The following THSD4 variants were observed in gnomAD, a reference collection of about 807,000 sequenced individuals.
The protein encoded by THSD4 is thrombospondin type-1 domain-containing protein 4.
In THSD4, 69 loss-of-function variants were observed where a neutral mutation model predicts 119.0. The observed-to-expected ratio is 0.58, with a 90% CI of 0.48 to 0.71. The LOEUF is 0.71. Ranked by LOEUF, THSD4 falls within the 30% of genes least tolerant of loss-of-function variation. The pLI, the probability that THSD4 is intolerant of heterozygous loss-of-function variation, is 0.00. For synonymous variants in THSD4, 524 were observed against 540.4 expected (o/e 0.97, Z 0.42); for missense variants, 1,393 against 1,391.1 (o/e 1.00, Z -0.02).
At chr15:71,233,104 A>T (rs1470027824) in intron 4 of THSD4, among the ~76,000 whole-genome samples, 1 of 152,228 alleles carries the variant, frequency 6.6e-6, no homozygotes, top group Non-Finnish European at 1.5e-5. Context: ...GTCTGTGCTG[A>T]TCTAAAATCT....
At chr15:71,683,661 G>A (rs562864016) in intron 8 of THSD4, among the ~76,000 whole-genome samples, 1 of 152,170 alleles carries the variant, frequency 6.6e-6, no homozygotes, top group South Asian at 2.1e-4. Context: ...AATTCATTTG[G>A]GAGGAGTAGA....
At chr15:71,694,055 T>G (rs1595869479) in intron 8 of THSD4, among the ~76,000 whole-genome samples, 4 of 151,228 alleles carry the variant, frequency 2.6e-5, no homozygotes, top group Admixed American at 2.6e-4. Context: ...AAAGCCAGTG[T>G]CAAGGTTGGA....
chr15:71,276,258 G>A (rs567288026), intron 6 of THSD4, among the ~76,000 whole-genome samples: 60 of 152,348 alleles, frequency 3.9e-4, no homozygotes, highest in African/African-American at 1.3e-3. Context: ...ACCCTTTGGA[G>A]CCATGTTGAG....
intron 8 of THSD4, among the ~76,000 whole-genome samples, chr15:71,703,398 G>A (rs1394732295): frequency 6.6e-6 from 1 of 152,162 alleles, no homozygotes; most frequent in Non-Finnish European, 1.5e-5. Context: ...ATTTGTGTTA[G>A]ATTACAAGGG....
intron 7 of THSD4, among the ~76,000 whole-genome samples, chr15:71,598,298 CTAG>C (rs1243369127): frequency 6.6e-6 from 1 of 152,124 alleles, no homozygotes; most frequent in Non-Finnish European, 1.5e-5. Context: ...TTGAAGAGTG[CTAG>C]TTTGACTAGA....
At chr15:71,635,050 C>T (rs2050713362) in intron 7 of THSD4, among the ~76,000 whole-genome samples, 1 of 152,176 alleles carries the variant, frequency 6.6e-6, no homozygotes, top group Non-Finnish European at 1.5e-5. Flanking sequence ...TGCTCACAAA[C>T]ATTTGATGCT....
At chr15:71,125,694 G>A (rs184608365) in intron 1 of THSD4, among the ~76,000 whole-genome samples, 18 of 152,330 alleles carry the variant, frequency 1.2e-4, no homozygotes, top group African/African-American at 4.3e-4. Flanking sequence ...CAGTCAGGAG[G>A]GGGGCGCCAG....
intron 7 of THSD4, among the ~76,000 whole-genome samples, chr15:71,575,656 A>G (rs527991335): frequency 1.2e-4 from 19 of 152,328 alleles, no homozygotes; most frequent in Admixed American, 6.5e-4. Flanking sequence ...AGTTACGTGT[A>G]TTACCACTAG....
chr15:71,501,493 C>T (rs1232449006), intron 7 of THSD4, among the ~76,000 whole-genome samples: 1 of 152,176 alleles, frequency 6.6e-6, no homozygotes, highest in Non-Finnish European at 1.5e-5. Context: ...CTCCTCTATG[C>T]TGGTATTTTC....
At chr15:71,674,096 C>G (rs1272396396) in intron 8 of THSD4, among the ~76,000 whole-genome samples, 1 of 152,210 alleles carries the variant, frequency 6.6e-6, no homozygotes, top group Non-Finnish European at 1.5e-5. Context: ...TGACCTCATT[C>G]TATTCAGAGA....
intron 6 of THSD4, among the ~76,000 whole-genome samples, chr15:71,281,138 G>A (rs2044647185): frequency 6.6e-6 from 1 of 152,230 alleles, no homozygotes. Flanking sequence ...TTCTTTGTGG[G>A]TTCCCCTGTG....
chr15:71,111,771 C>G (rs1379583223), upstream of THSD4: 1 of 512,102 alleles, frequency 2.0e-6, no homozygotes, highest in Admixed American at 3.7e-5. Context: ...ACGGGGGTTT[C>G]CTTTCCTGCT....
intron 7 of THSD4, among the ~76,000 whole-genome samples, chr15:71,540,135 C>CTTTTTTTTTTTTTT (rs35668266): frequency 1.1e-5 from 1 of 95,154 alleles, no homozygotes; most frequent in Non-Finnish European, 2.2e-5. Context: ...ATTTTATTTA[C>CTTTTTTTTTTTTTT]TTTTTTTTTT....
At chr15:71,268,301 C>T (rs2044486344) in intron 6 of THSD4, among the ~76,000 whole-genome samples, 1 of 152,180 alleles carries the variant, frequency 6.6e-6, no homozygotes, top group Non-Finnish European at 1.5e-5. Flanking sequence ...GATTAAGAAA[C>T]TCACTCAAAA....
At chr15:71,366,717 C>T (rs1327656782) in intron 6 of THSD4, among the ~76,000 whole-genome samples, 1 of 152,140 alleles carries the variant, frequency 6.6e-6, no homozygotes. Flanking sequence ...AAAAACACTC[C>T]CACATTATTT....
At chr15:71,562,193 G>A (rs2049134111) in intron 7 of THSD4, among the ~76,000 whole-genome samples, 1 of 152,192 alleles carries the variant, frequency 6.6e-6, no homozygotes, top group Non-Finnish European at 1.5e-5. Flanking sequence ...GCAAGGGAAA[G>A]CTTGGGGGTA....
intron 6 of THSD4, among the ~76,000 whole-genome samples, chr15:71,369,246 C>G (rs1181601536): frequency 6.6e-6 from 1 of 152,174 alleles, no homozygotes; most frequent in Non-Finnish European, 1.5e-5. Context: ...ATTTGACTTC[C>G]TCTTTTCCTA....
intron 7 of THSD4, among the ~76,000 whole-genome samples, chr15:71,625,703 G>A (rs1012731596): frequency 6.6e-6 from 1 of 152,232 alleles, no homozygotes; most frequent in Non-Finnish European, 1.5e-5. Flanking sequence ...CATGCAATAA[G>A]TATTAATTAG....
rs540886004 is a variant in THSD4, at chr15:71,715,726, C to T, written c.1358-12823C>T. 2.6e-4 allele frequency among the ~76,000 whole-genome samples: 39 copies of T among 151,286 alleles called. 1 individual carries two copies. The highest frequency in any genetic ancestry group is 5.0e-4 in the Non-Finnish European group (34 of 67,912). Reference sequence around the variant, plus strand: ...CCTTCCACTTATTCCCCGACGTCATCGCAATTTAGTCGCAGATTTGGGGCT... The same window carrying T: ...CCTTCCACTTATTCCCCGACGTCATTGCAATTTAGTCGCAGATTTGGGGCT... On this transcript the variant is annotated intron_variant, in intron 8 of 17. Coordinates refer to ENST00000261862, the MANE Select transcript of THSD4 (RefSeq NM_024817.3).
Sources: gnomAD v4.1 joint callset for allele counts (sites outside exome capture counted in the v4.1 genomes callset) on GRCh38, gnomAD v4.1.1 for gene constraint, MANE v1.5 for transcripts, NCBI Gene and HGNC (gene_info 2026-07-23, HGNC 2026-07-21) for gene names.